The following TENT2 variants were observed in gnomAD, a reference collection of about 807,000 sequenced individuals.
TENT2 encodes the protein poly(A) RNA polymerase GLD2.
Under a neutral mutation model 72.2 loss-of-function variants are expected in TENT2, and 44 were observed. That is an observed-to-expected ratio of 0.61 (90% CI 0.48 to 0.78). The LOEUF (loss-of-function observed/expected upper bound fraction) is 0.78. Among genes scored for constraint, TENT2 ranks in the 30% least tolerant of loss-of-function variants. The pLI is 0.00. For missense variants in TENT2, 541 were observed against 569.6 expected, an observed-to-expected ratio of 0.95 and a Z score of 0.51; for synonymous variants, 212 against 192.5, an observed-to-expected ratio of 1.10 and a Z score of -0.84.
At chr5:79,645,462 C>T (rs1489610321) in intron 8 of TENT2, among the ~76,000 whole-genome samples, 1 of 151,928 alleles carries the variant, frequency 6.6e-6, no homozygotes, top group Non-Finnish European at 1.5e-5. Context: ...TTTAAATGAT[C>T]TCTTGCCTTT....
chr5:79,661,093 G>A (rs1235292456), intron 11 of TENT2, among the ~76,000 whole-genome samples: 1 of 152,132 alleles, frequency 6.6e-6, no homozygotes, highest in Non-Finnish European at 1.5e-5. Flanking sequence ...TTTAAGCTGT[G>A]TTGTTACAAA....
intron 10 of TENT2, among the ~76,000 whole-genome samples, chr5:79,649,810 C>T (rs1792257169): frequency 6.6e-6 from 1 of 152,056 alleles, no homozygotes; most frequent in South Asian, 2.1e-4. Context: ...TGAAAATTTC[C>T]TAGACGTATA....
rs1459876770 is a variant in TENT2 at position 79,649,055 on chromosome 5, CT to C, written c.899-4del. 1 of 1,612,282 alleles carries C rather than the reference CT, an allele frequency of 6.2e-7. No homozygotes were observed. Among genetic ancestry groups the C allele is most frequent in the Non-Finnish European group, 8.5e-7 (1 of 1,178,946 alleles). On this transcript the variant is annotated splice_polypyrimidine_tract_variant and splice_region_variant and intron_variant, in intron 9 of 14. Transcript: ENST00000453514. Reference sequence around the variant, plus strand: ...CTTACCATGTTAAGTTTTAATTTTACTTTCAGTTGAAAATCGAGTTCGTCCG... The same window carrying C: ...CTTACCATGTTAAGTTTTAATTTTACTTCAGTTGAAAATCGAGTTCGTCCG...
At chr5:79,649,398 A>T (rs1974780) in intron 10 of TENT2, among the ~76,000 whole-genome samples, 27,023 of 142,734 alleles carry the variant, frequency 0.19, 3,855 homozygotes, top group African/African-American at 0.4. Context: ...TTTTTTTTTT[A>T]TTTTTTGGAA....
Position 79,687,581 on chromosome 5 carries a change from G to T in TENT2, c.*2308G>T, listed in dbSNP as rs1403309978. 6.6e-6 allele frequency among the ~76,000 whole-genome samples: 1 copy of T among 152,074 alleles called. No homozygotes were observed. Among genetic ancestry groups the T allele is most frequent in the African/African-American group, 2.4e-5 (1 of 41,400 alleles). On this transcript the variant is annotated 3_prime_UTR_variant, in exon 15 of 15. Transcript: ENST00000453514. Reference sequence around the variant, plus strand: ...AATAGTTGTTATACTGTATTGTTTAGGGAATAATAATGACAAGACAAAAAG... The same window carrying T: ...AATAGTTGTTATACTGTATTGTTTATGGAATAATAATGACAAGACAAAAAG...
At chr5:79,634,853 ATT>A (rs1234067221) in intron 4 of TENT2, among the ~76,000 whole-genome samples, 3 of 142,964 alleles carry the variant, frequency 2.1e-5, no homozygotes, top group African/African-American at 2.6e-5. Context: ...TGTTGGAGGG[ATT>A]TTTTTTTTTT....
chr5:79,614,642 A>G (rs1383441587), intron 1 of TENT2, among the ~76,000 whole-genome samples: 1 of 152,230 alleles, frequency 6.6e-6, no homozygotes, highest in Non-Finnish European at 1.5e-5. Flanking sequence ...GTAGAAGACC[A>G]TAGTTAATGT....
In TENT2 at chr5:79,624,598, A is replaced by T. The variant is rs183221661; in HGVS notation, c.465+1109A>T. 4.8e-3 allele frequency among the ~76,000 whole-genome samples: 730 copies of T among 152,254 alleles called. 4 individuals carry two copies. The highest frequency in any genetic ancestry group is 6.0e-3 in the Non-Finnish European group (406 of 68,000). On this transcript the variant is annotated intron_variant, in intron 4 of 14. Coordinates refer to ENST00000453514, the MANE Select transcript of TENT2 (RefSeq NM_001114394.3). ...TCACTTCTCCTGCTCCCTGGCAACA[A>T]CTAATCTATTTTCTGTCTTTATCCC...
chr5:79,624,494 T>C (rs999481494), intron 4 of TENT2, among the ~76,000 whole-genome samples: 1 of 152,022 alleles, frequency 6.6e-6, no homozygotes, highest in African/African-American at 2.4e-5. Context: ...TTAAATATAT[T>C]CCCAAAGTTG....
intron 4 of TENT2, among the ~76,000 whole-genome samples, chr5:79,634,679 A>G (rs1051048600): frequency 6.6e-6 from 1 of 152,108 alleles, no homozygotes; most frequent in Non-Finnish European, 1.5e-5. Context: ...GTATAAGTAA[A>G]TTTTTTGTGT....
intron 4 of TENT2, among the ~76,000 whole-genome samples, chr5:79,631,554 A>G (rs1184828623): frequency 1.3e-5 from 2 of 152,248 alleles, no homozygotes; most frequent in African/African-American, 4.8e-5. Context: ...AAGAGAGTCT[A>G]TGTCCAAGAC....
At chr5:79,670,738 A>G (rs767687922) in intron 12 of TENT2, among the ~76,000 whole-genome samples, 3 of 151,106 alleles carry the variant, frequency 2.0e-5, no homozygotes, top group Non-Finnish European at 2.9e-5. Flanking sequence ...AGATATTGCA[A>G]TAACAATAGC....
At chr5:79,625,333 A>G (rs776701242) in intron 4 of TENT2, among the ~76,000 whole-genome samples, 1 of 152,162 alleles carries the variant, frequency 6.6e-6, no homozygotes, top group Non-Finnish European at 1.5e-5. Flanking sequence ...TTGTGAATTT[A>G]TGCTCCCATT....
At chr5:79,622,382 A>G (rs1765789796) in intron 3 of TENT2, among the ~76,000 whole-genome samples, 2 of 152,218 alleles carry the variant, frequency 1.3e-5, no homozygotes, top group Non-Finnish European at 1.5e-5. Context: ...AGTATTACCT[A>G]CATGAACAAC....
chr5:79,645,081 T>C, intron 7 of TENT2, 42 bp from the exon 8 acceptor site: 1 of 1,504,420 alleles, frequency 6.6e-7, no homozygotes, highest in Non-Finnish European at 9.0e-7. Context: ...CTGTGAATTC[T>C]AGAAACATTT....
In TENT2 at chr5:79,688,131, TAATG is replaced by T. The variant is rs747059419; in HGVS notation, c.*2859_*2862del. ...ATTTACAGTTCATTACCTCCAGACATAATGCATGCATACCAGCTCGTGTAACTGG... is the reference window on the plus strand; with the variant it reads ...ATTTACAGTTCATTACCTCCAGACATCATGCATACCAGCTCGTGTAACTGG... On this transcript the variant is annotated 3_prime_UTR_variant, in exon 15 of 15. Transcript: ENST00000453514. Among the ~76,000 whole-genome samples, 2 of 152,226 alleles carry T rather than the reference TAATG, an allele frequency of 1.3e-5. No homozygotes were observed. Among genetic ancestry groups the T allele is most frequent in the Non-Finnish European group, 2.9e-5 (2 of 68,034 alleles).
At chr5:79,618,042 T>A (rs1448122756) in intron 1 of TENT2, among the ~76,000 whole-genome samples, 1 of 152,176 alleles carries the variant, frequency 6.6e-6, no homozygotes, top group Non-Finnish European at 1.5e-5. Flanking sequence ...TTCTGTTCTT[T>A]CTGGACCTTC....
intron 10 of TENT2, among the ~76,000 whole-genome samples, chr5:79,652,987 C>T (rs1269884239): frequency 6.6e-6 from 1 of 151,726 alleles, no homozygotes; most frequent in Non-Finnish European, 1.5e-5. Flanking sequence ...AAATATGTGG[C>T]ACCACCATTC....
At chr5:79,649,878 T>C (rs190156140) in intron 10 of TENT2, among the ~76,000 whole-genome samples, 11 of 152,272 alleles carry the variant, frequency 7.2e-5, no homozygotes, top group Non-Finnish European at 1.5e-5. Flanking sequence ...AAAAATATCT[T>C]ACATATGTAG....
Sources: gnomAD v4.1 joint callset for allele counts (sites outside exome capture counted in the v4.1 genomes callset) on GRCh38, gnomAD v4.1.1 for gene constraint, MANE v1.5 for transcripts, NCBI Gene and HGNC (gene_info 2026-07-23, HGNC 2026-07-21) for gene names.